The following PCDHGA8 variants were observed in gnomAD, a reference collection of about 807,000 sequenced individuals.
PCDHGA8 encodes protocadherin gamma-A8.
Under a neutral mutation model 59.2 loss-of-function variants are expected in PCDHGA8, and 45 were observed. The observed-to-expected ratio is 0.76, with a 90% CI of 0.60 to 0.98. PCDHGA8 has a LOEUF of 0.98. PCDHGA8 is among the 50% of genes least tolerant of loss of function. The pLI is 0.00. For missense variants in PCDHGA8, 1,257 were observed against 1,196.2 expected, an observed-to-expected ratio of 1.05 and a Z score of -0.75; for synonymous variants, 531 against 519.0, an observed-to-expected ratio of 1.02 and a Z score of -0.32.
intron 1 of PCDHGA8, among the ~76,000 whole-genome samples, chr5:141,455,913 T>C (rs2098837234): frequency 7.2e-6 from 1 of 138,032 alleles, no homozygotes; most frequent in African/African-American, 2.7e-5. Context: ...ATTTATTTAT[T>C]TTGAGACGGA....
chr5:141,460,979 GTGTGTATATATATATA>G (rs2099004425), intron 1 of PCDHGA8, among the ~76,000 whole-genome samples: 1 of 134,290 alleles, frequency 7.4e-6, no homozygotes, highest in Non-Finnish European at 1.5e-5. Flanking sequence ...GTGTGTGTGT[GTGTGTATATATATATA>G]TGTGTATATA....
rs999687684 is a variant in PCDHGA8 at position 141,431,598 on chromosome 5, C to G, written c.2424+36361C>G. 1 of 1,614,074 alleles carries G rather than the reference C, an allele frequency of 6.2e-7. No individual in the cohort carries two copies. The highest frequency in any genetic ancestry group is 1.3e-5 in the African/African-American group (1 of 74,938). On this transcript the variant is annotated intron_variant, in intron 1 of 3. Transcript: ENST00000398604. This position sits in a 1 kb window ranked among gnomAD's most constrained non-coding sequence, Gnocchi z 4.8. ...GGAGTCAATGCGGAAGTGAGGTATT[C>G]CTTCCGGTATGTGGACGACAAGGCG...
chr5:141,409,823 A>G, intron 1 of PCDHGA8: 2 of 1,610,784 alleles, frequency 1.2e-6, no homozygotes, highest in Non-Finnish European at 1.7e-6. Flanking sequence ...CGGCTCGCCC[A>G]CGCTCAGCGC....
intron 1 of PCDHGA8, among the ~76,000 whole-genome samples, chr5:141,439,391 G>A (rs880080): frequency 0.036 from 5,494 of 152,210 alleles, 123 homozygotes; most frequent in South Asian, 0.078. Context: ...TCATCACTTC[G>A]ACTTCATGTG....
rs2092729554 is a variant in PCDHGA8 at position 141,393,326 on chromosome 5, G to C, written c.513G>C (p.Gln171His). 1.2e-6 allele frequency: 2 copies of C among 1,611,218 alleles called. No individual in the cohort carries two copies. The highest frequency in any genetic ancestry group is 1.7e-6 in the Non-Finnish European group (2 of 1,179,370). The change falls in exon 1 of 4, where the codon CAG becomes CAC. Residue 171 changes from glutamine to histidine, a missense_variant. Coordinates refer to ENST00000398604, the MANE Select transcript of PCDHGA8 (RefSeq NM_032088.2). ...DVGVNSLQSY[Q>H]LSPNHHFSLD... The stretch of plus-strand genomic sequence containing the variant: ...GCGTGAACTCCCTCCAGAGCTACCA[G>C]CTCAGCCCCAATCACCACTTCTCCC...
Position 141,485,574 on chromosome 5 carries a change from C to T in PCDHGA8, c.2425-9233C>T. 1 of 1,612,568 alleles carries T rather than the reference C, an allele frequency of 6.2e-7. No homozygotes were observed. Among genetic ancestry groups the T allele is most frequent in the Non-Finnish European group, 8.5e-7 (1 of 1,178,752 alleles). On this transcript the variant is annotated intron_variant, in intron 1 of 3. Transcript: ENST00000398604. This position sits in a 1 kb window ranked among gnomAD's most constrained non-coding sequence, Gnocchi z 5.7. ...GTGAATGATCACGCCCCCCGTTTTCCGCGGCAGCAGCTGGACTTGGAAATT... is the reference window on the plus strand; with the variant it reads ...GTGAATGATCACGCCCCCCGTTTTCTGCGGCAGCAGCTGGACTTGGAAATT...
chr5:141,433,064 A>T, intron 1 of PCDHGA8: 1 of 1,614,064 alleles, frequency 6.2e-7, no homozygotes, highest in Non-Finnish European at 8.5e-7. Context: ...GAGTCACCTG[A>T]TCTTCCCCCA....
rs978480877 is a variant in PCDHGA8, at chr5:141,417,841, G to A, written c.2424+22604G>A. ...CTCCAACTGGAAAAGCGGGGACCCAGCGAGAACCCGAGCGAACGATGGGAG... is the reference window on the plus strand; with the variant it reads ...CTCCAACTGGAAAAGCGGGGACCCAACGAGAACCCGAGCGAACGATGGGAG... On this transcript the variant is annotated intron_variant, in intron 1 of 3. Coordinates refer to ENST00000398604, the MANE Select transcript of PCDHGA8 (RefSeq NM_032088.2). 1.4e-5 allele frequency: 21 copies of A among 1,537,848 alleles called. No homozygotes were observed. In the African/African-American group the frequency reaches 2.6e-4, roughly 19 times the overall value.
intron 1 of PCDHGA8, among the ~76,000 whole-genome samples, chr5:141,452,094 G>A (rs760924457): frequency 6.6e-6 from 1 of 152,162 alleles, no homozygotes; most frequent in South Asian, 2.1e-4. Context: ...CAGTAAGAAA[G>A]AGCTTTCTTT....
At chr5:141,415,853 G>C (rs2154546169) in intron 1 of PCDHGA8, 1 of 1,186,350 alleles carries the variant, frequency 8.4e-7, no homozygotes, top group Admixed American at 4.0e-5. Context: ...GCAGAACCTT[G>C]TAGTTTATAG....
chr5:141,450,278 G>A (rs977381598), intron 1 of PCDHGA8, among the ~76,000 whole-genome samples: 1 of 152,026 alleles, frequency 6.6e-6, no homozygotes, highest in Non-Finnish European at 1.5e-5. Flanking sequence ...TCAGCTAAGT[G>A]CTGGGATTAC....
chr5:141,409,706 T>A, intron 1 of PCDHGA8: 1 of 1,613,210 alleles, frequency 6.2e-7, no homozygotes, highest in Non-Finnish European at 8.5e-7. Context: ...CCTGGCGGTG[T>A]CGTCATACGT....
At chr5:141,404,720 A>C in intron 1 of PCDHGA8, 1 of 1,613,804 alleles carries the variant, frequency 6.2e-7, no homozygotes, top group Non-Finnish European at 8.5e-7. Flanking sequence ...CCTGGTGACC[A>C]AGGTGGTGGC....
rs2099385215 is a variant in PCDHGA8 at position 141,476,099 on chromosome 5, G to A, written c.2425-18708G>A. On this transcript the variant is annotated intron_variant, in intron 1 of 3. Coordinates refer to ENST00000398604, the MANE Select transcript of PCDHGA8 (RefSeq NM_032088.2). This position sits in a 1 kb window ranked among gnomAD's most constrained non-coding sequence, Gnocchi z 7.6. ...GGGACGATCTGGACCCCGCTGAGAGGAACTGCTTTTGAGTGAGATGGTCCC... is the reference window on the plus strand; with the variant it reads ...GGGACGATCTGGACCCCGCTGAGAGAAACTGCTTTTGAGTGAGATGGTCCC... 1 of 1,574,916 alleles carries A rather than the reference G, an allele frequency of 6.3e-7. No individual in the cohort carries two copies.
chr5:141,448,795 A>T (rs577803435), intron 1 of PCDHGA8, among the ~76,000 whole-genome samples: 1 of 152,086 alleles, frequency 6.6e-6, no homozygotes, highest in African/African-American at 2.4e-5. Context: ...AAAAAAAAAA[A>T]TTAGCCAGGC....
At chr5:141,449,055 A>T (rs1056298558) in intron 1 of PCDHGA8, among the ~76,000 whole-genome samples, 1 of 152,188 alleles carries the variant, frequency 6.6e-6, no homozygotes, top group Non-Finnish European at 1.5e-5. Context: ...CTCATAAATG[A>T]GCGCTATTGA....
chr5:141,465,966 C>CA (rs2099113454), intron 1 of PCDHGA8, among the ~76,000 whole-genome samples: 1 of 151,802 alleles, frequency 6.6e-6, no homozygotes, highest in Non-Finnish European at 1.5e-5. Flanking sequence ...ACTAAAAATA[C>CA]AAAAAATTAG....
intron 1 of PCDHGA8, chr5:141,399,606 G>A: frequency 1.2e-6 from 2 of 1,613,956 alleles, no homozygotes; most frequent in Non-Finnish European, 1.7e-6. Context: ...GCGACCTAGA[G>A]CCTCTGGCAC....
At chr5:141,436,211 C>T (rs12108692) in intron 1 of PCDHGA8, among the ~76,000 whole-genome samples, 2,997 of 152,100 alleles carry the variant, frequency 0.02, 43 homozygotes, top group African/African-American at 0.029. Flanking sequence ...AATAGGAAAA[C>T]AAATGACTTG....
Sources: gnomAD v4.1 joint callset for allele counts (sites outside exome capture counted in the v4.1 genomes callset) on GRCh38, gnomAD v4.1.1 for gene constraint, Gnocchi (gnomAD v3.1) non-coding constraint, MANE v1.5 for transcripts, NCBI Gene and HGNC (gene_info 2026-07-23, HGNC 2026-07-21) for gene names.